The following ATP9B variants were observed in gnomAD, a reference collection of about 807,000 sequenced individuals.
ATP9B encodes the protein probable phospholipid-transporting ATPase IIB.
A neutral mutation model predicts 146.1 loss-of-function variants in ATP9B; 110 were observed. The observed-to-expected ratio is 0.75, with a 90% CI of 0.65 to 0.88. The LOEUF is 0.88. ATP9B is among the 40% of genes least tolerant of loss of function. The pLI is 0.00. For synonymous variants in ATP9B, 604 were observed against 569.7 expected (o/e 1.06, Z -0.86); for missense variants, 1,499 against 1,496.4 (o/e 1.00, Z -0.03).
chr18:79,099,444 C>T (rs1026520607), intron 2 of ATP9B, among the ~76,000 whole-genome samples: 1 of 152,164 alleles, frequency 6.6e-6, no homozygotes, highest in African/African-American at 2.4e-5. Context: ...TGGTCTCAAA[C>T]TCCTGACCTC....
At position 79,154,487 on chromosome 18, in the gene ATP9B, TA is replaced by T; in HGVS notation, c.727-16del. 6.6e-7 allele frequency: 1 copy of T among 1,526,176 alleles called. No homozygotes were observed. Among genetic ancestry groups the T allele is most frequent in the Non-Finnish European group, 8.8e-7 (1 of 1,142,086 alleles). 94.5% of individuals were successfully genotyped at this position (1,526,176 alleles called of 1,614,324 possible). On this transcript the variant is annotated splice_polypyrimidine_tract_variant and intron_variant, in intron 6 of 29. Transcript: ENST00000426216. ...ACCTGCATATAGATAATTAATCTTT[TA>T]TAATGCTCTTTGCAGAATCAAAGAA...
chr18:79,179,591 A>T (rs1353067851), intron 8 of ATP9B, among the ~76,000 whole-genome samples: 1 of 152,120 alleles, frequency 6.6e-6, no homozygotes, highest in Non-Finnish European at 1.5e-5. Context: ...TTTGCTAAAC[A>T]GTTGGGGATT....
chr18:79,227,391 A>ATGGATGGG (rs1172668444), intron 11 of ATP9B, among the ~76,000 whole-genome samples: 12 of 60,374 alleles, frequency 2.0e-4, no homozygotes, highest in African/African-American at 8.0e-4. Context: ...TGTGAATTGC[A>ATGGATGGG]TGGATGGGTG....
chr18:79,375,341 C>A, intron 28 of ATP9B, 53 bp from the exon 29 acceptor site: 1 of 1,475,844 alleles, frequency 6.8e-7, no homozygotes, highest in Non-Finnish European at 9.4e-7. Context: ...TTGAAATATC[C>A]TGGTATCTCC....
chr18:79,220,237 G>GT (rs1388442282), intron 11 of ATP9B, among the ~76,000 whole-genome samples: 1 of 148,226 alleles, frequency 6.7e-6, no homozygotes, highest in Non-Finnish European at 1.5e-5. Context: ...TTTGGAGGCT[G>GT]TTACAGACAC....
Position 79,323,074 on chromosome 18 carries a change from C to T in ATP9B, c.1774-6067C>T, listed in dbSNP as rs115275648. The stretch of plus-strand genomic sequence containing the variant: ...TCGGTAATTGGGATACCCGTCACCT[C>T]AAGCATTTATCGTTGCTTCGCGTTA... On this transcript the variant is annotated intron_variant, in intron 15 of 29. Coordinates refer to ENST00000426216, the MANE Select transcript of ATP9B (RefSeq NM_198531.5). 6.5e-3 allele frequency among the ~76,000 whole-genome samples: 992 copies of T among 152,318 alleles called. 5 individuals are homozygous for T. Among genetic ancestry groups the T allele is most frequent in the African/African-American group, 0.022 (927 of 41,546 alleles).
intron 11 of ATP9B, among the ~76,000 whole-genome samples, chr18:79,234,895 T>G (rs752614446): frequency 6.6e-6 from 1 of 152,222 alleles, no homozygotes; most frequent in African/African-American, 2.4e-5. Flanking sequence ...TTTTTTGAGA[T>G]GGAGTCTCAC....
In ATP9B at chr18:79,377,553, TCA is replaced by T; in HGVS notation, c.*171_*172del. ...CAGATGCTGAGACAGCCTCTCCTTC[TCA>T]GTGCAGGGACGTCACCCCTGCCAGG... On this transcript the variant is annotated 3_prime_UTR_variant, in exon 30 of 30. Coordinates refer to ENST00000426216, the MANE Select transcript of ATP9B (RefSeq NM_198531.5). 1 of 878,190 alleles carries T rather than the reference TCA, an allele frequency of 1.1e-6. No individual in the cohort carries two copies. Among genetic ancestry groups the T allele is most frequent in the Non-Finnish European group, 1.7e-6 (1 of 584,662 alleles). The allele number at this position is 878,190 out of a possible 1,614,324, so 54.4% of individuals were successfully genotyped here. A position where few individuals can be genotyped will look rare whatever the true frequency, so the allele number is the denominator to read the frequency against.
At chr18:79,156,945 C>T (rs1568295616) in intron 7 of ATP9B, among the ~76,000 whole-genome samples, 1 of 152,150 alleles carries the variant, frequency 6.6e-6, no homozygotes, top group Non-Finnish European at 1.5e-5. Context: ...AAAGGCTCAT[C>T]TCCTCAACCA....
intron 9 of ATP9B, among the ~76,000 whole-genome samples, chr18:79,193,491 T>C (rs561834228): frequency 1.8e-4 from 28 of 152,328 alleles, no homozygotes; most frequent in African/African-American, 5.5e-4. Context: ...ACTAATAAGA[T>C]CTTTATCTCC....
At chr18:79,096,157 C>A (rs764320972) in intron 1 of ATP9B, among the ~76,000 whole-genome samples, 1 of 152,136 alleles carries the variant, frequency 6.6e-6, no homozygotes, top group Non-Finnish European at 1.5e-5. Flanking sequence ...TTTTTTCTGA[C>A]TGGATTAAGT....
chr18:79,151,273 GTTAA>G (rs991623739), intron 6 of ATP9B, among the ~76,000 whole-genome samples: 1 of 152,200 alleles, frequency 6.6e-6, no homozygotes, highest in African/African-American at 2.4e-5. Flanking sequence ...GAAATTTATG[GTTAA>G]TTGATTTTTG....
At chr18:79,342,441 A>G in intron 20 of ATP9B, 75 bp downstream of exon 20, 3 of 1,001,320 alleles carry the variant, frequency 3.0e-6, no homozygotes, top group Non-Finnish European at 4.5e-6. Flanking sequence ...TTTTTGTCAG[A>G]ATATATATTT....
intron 4 of ATP9B, among the ~76,000 whole-genome samples, chr18:79,124,421 A>G (rs2094245700): frequency 6.6e-6 from 1 of 152,276 alleles, no homozygotes; most frequent in Admixed American, 6.5e-5. Flanking sequence ...TCTGCTCATC[A>G]GCTGGTGTCT....
chr18:79,267,782 T>G (rs985117820), intron 12 of ATP9B, among the ~76,000 whole-genome samples: 3 of 152,102 alleles, frequency 2.0e-5, no homozygotes, highest in Admixed American at 6.5e-5. Context: ...TTTAGTCCAT[T>G]TTTATAAACA....
At chr18:79,175,705 TAC>T (rs2147932512) in intron 7 of ATP9B, among the ~76,000 whole-genome samples, 1 of 152,330 alleles carries the variant, frequency 6.6e-6, no homozygotes, top group East Asian at 1.9e-4. Context: ...ATGCATATTA[TAC>T]ACAGATACCC....
At chr18:79,327,498 A>AAC (rs1229472617) in intron 15 of ATP9B, among the ~76,000 whole-genome samples, 8 of 146,322 alleles carry the variant, frequency 5.5e-5, no homozygotes, top group African/African-American at 2.1e-4. Context: ...CTCCGTGGTT[A>AAC]GTGTGCTCTC....
chr18:79,327,135 T>A (rs1289901018), intron 15 of ATP9B, among the ~76,000 whole-genome samples: 1 of 152,248 alleles, frequency 6.6e-6, no homozygotes, highest in Non-Finnish European at 1.5e-5. Context: ...TGATTTAATA[T>A]CCTGTGCACT....
chr18:79,208,433 G>A (rs2095555040), intron 10 of ATP9B, among the ~76,000 whole-genome samples: 1 of 152,158 alleles, frequency 6.6e-6, no homozygotes. Flanking sequence ...GGATCCAAGG[G>A]CCAGTGTGCT....
Sources: allele counts gnomAD v4.1 joint callset (sites outside exome capture counted in the v4.1 genomes callset), GRCh38; gene constraint gnomAD v4.1.1; transcripts MANE v1.5; gene names NCBI Gene and HGNC (gene_info 2026-07-23, HGNC 2026-07-21).